Variants in UBE2Q1 observed in about 807,000 individuals in gnomAD.
UBE2Q1 encodes the protein ubiquitin-conjugating enzyme E2 Q1.
In UBE2Q1, 6 loss-of-function variants were observed where a neutral mutation model predicts 60.1. The observed-to-expected ratio is 0.10, with a 90% CI of 0.05 to 0.20. The LOEUF (loss-of-function observed/expected upper bound fraction) is 0.20. Among genes scored for constraint, UBE2Q1 ranks in the 10% least tolerant of loss-of-function variants. The pLI is 1.00. For synonymous variants in UBE2Q1, 226 were observed against 208.3 expected (o/e 1.09, Z -0.73); for missense variants, 262 against 525.8 (o/e 0.50, Z 4.91).
At chr1:154,557,167 A>G (rs1257310832) in intron 1 of UBE2Q1, among the ~76,000 whole-genome samples, 1 of 152,240 alleles carries the variant, frequency 6.6e-6, no homozygotes, top group African/African-American at 2.4e-5. Context: ...AACGGACAGA[A>G]AACACCAGTA....
In UBE2Q1 at chr1:154,551,631, T is replaced by G. The variant is rs1005458826; in HGVS notation, c.1075-139A>C. The G allele has an allele frequency of 1.5e-5, 21 of 1,444,750 alleles. No individual in the cohort carries two copies. In the African/African-American group the frequency reaches 2.9e-4, roughly 20 times the overall value. 89.5% of individuals were successfully genotyped at this position (1,444,750 alleles called of 1,614,324 possible). On this transcript the variant is annotated intron_variant, in intron 10 of 12. Coordinates refer to ENST00000292211, the MANE Select transcript of UBE2Q1 (RefSeq NM_017582.7). ...CCAGCACTGCCACCACCTGTCTGTCTAGGTCAGTGGGTGCAGACCCAGCCC... is the reference window on the plus strand; with the variant it reads ...CCAGCACTGCCACCACCTGTCTGTCGAGGTCAGTGGGTGCAGACCCAGCCC...
chr1:154,550,836 G>C (rs1407746771), intron 12 of UBE2Q1, 102 bp downstream of exon 12: 1 of 1,599,398 alleles, frequency 6.3e-7, no homozygotes, highest in Non-Finnish European at 8.5e-7. Context: ...ATGGGTGGTT[G>C]AGTATCAGAA....
At chr1:154,552,264 C>T in intron 7 of UBE2Q1, 81 bp from the exon 8 acceptor site, 1 of 1,597,044 alleles carries the variant, frequency 6.3e-7, no homozygotes, top group Non-Finnish European at 8.6e-7. Flanking sequence ...TGGCTGGCAG[C>T]AGACCACGAA....
Position 154,553,134 on chromosome 1 carries a change from T to C in UBE2Q1, c.627A>G (p.Glu209=), listed in dbSNP as rs144570028. 12 of 1,613,872 alleles carry C rather than the reference T, an allele frequency of 7.4e-6. No individual in the cohort carries two copies. In the African/African-American group the frequency reaches 1.3e-4, roughly 18 times the overall value. The change falls in exon 5 of 13, where the codon GAA becomes GAG. Residue 209 remains glutamate, a synonymous_variant. Coordinates refer to ENST00000292211, the MANE Select transcript of UBE2Q1 (RefSeq NM_017582.7). The part of the protein sequence containing the change: ...EDLDHYEMKE[E]EPAEGKKSED... ...CAGATTTCTTGCCCTCAGCTGGCTC[T>C]TCCTCTTTCATTTCATAGTGATCTA...
intron 4 of UBE2Q1, among the ~76,000 whole-genome samples, chr1:154,553,428 GAGGC>G (rs1363492036): frequency 1.3e-5 from 2 of 152,186 alleles, no homozygotes; most frequent in African/African-American, 4.8e-5. Flanking sequence ...AGCTGAGATC[GAGGC>G]AGGGACTTAG....
chr1:154,554,862 A>T, intron 3 of UBE2Q1, 77 bp from the exon 4 acceptor site: 1 of 1,510,496 alleles, frequency 6.6e-7, no homozygotes, highest in Non-Finnish European at 9.0e-7. Context: ...TACTCCCCTG[A>T]GCCCCCAGGT....
chr1:154,555,739 G>A, intron 2 of UBE2Q1, 121 bp downstream of exon 2: 2 of 991,396 alleles, frequency 2.0e-6, no homozygotes, highest in Non-Finnish European at 3.1e-6. Flanking sequence ...ACTCCCCCGA[G>A]AGGTCATCCC....
intron 2 of UBE2Q1, 139 bp from the exon 3 acceptor site, chr1:154,555,671 T>G: frequency 1.1e-6 from 1 of 949,942 alleles, no homozygotes. Flanking sequence ...TGGGAATGAG[T>G]CTCCTGATGG....
intron 1 of UBE2Q1, among the ~76,000 whole-genome samples, chr1:154,557,005 C>CT (rs1254674096): frequency 6.6e-6 from 1 of 152,332 alleles, no homozygotes; most frequent in East Asian, 1.9e-4. Flanking sequence ...CTTCACTTAA[C>CT]TAAGCCACTC....
intron 4 of UBE2Q1, among the ~76,000 whole-genome samples, chr1:154,554,452 A>G (rs2149362253): frequency 6.6e-6 from 1 of 152,306 alleles, no homozygotes; most frequent in African/African-American, 2.4e-5. Context: ...AAATTCCTCA[A>G]TTAGGATAGC....
Position 154,551,495 on chromosome 1 carries a change from G to A in UBE2Q1, c.1075-3C>T, listed in dbSNP as rs575285204. The A allele has an allele frequency of 6.2e-6, 10 of 1,613,972 alleles. No individual in the cohort carries two copies. In the East Asian group the frequency reaches 2.0e-4, roughly 32 times the overall value. ...ATGGAGTAGGCACTGCTCCAGCCCT[G>A]GGTGAAGGGAAGGACAAGGCAAGCA... On this transcript the variant is annotated splice_region_variant and splice_polypyrimidine_tract_variant and intron_variant, in intron 10 of 12. Coordinates refer to ENST00000292211, the MANE Select transcript of UBE2Q1 (RefSeq NM_017582.7).
rs1452695597 is a variant in UBE2Q1, at chr1:154,550,180, T to A, written c.*258A>T. 2.1e-6 allele frequency: 1 copy of A among 470,114 alleles called. No individual in the cohort carries two copies. Among genetic ancestry groups the A allele is most frequent in the Non-Finnish European group, 3.8e-6 (1 of 264,452 alleles). The allele number at this position is 470,114 out of a possible 1,614,324, so 29.1% of individuals were successfully genotyped here. ...TAAGGAGGCTCGAAAGTTTCTTTTA[T>A]AAGAATGCCTGCTAGCAAGGGTTCC... On this transcript the variant is annotated 3_prime_UTR_variant, in exon 13 of 13. Transcript: ENST00000292211.
intron 1 of UBE2Q1, 133 bp from the exon 2 acceptor site, chr1:154,556,097 C>T: frequency 1.5e-6 from 1 of 668,492 alleles, no homozygotes; most frequent in Non-Finnish European, 2.6e-6. Flanking sequence ...CACATAAAAG[C>T]CCAACTTAGG....
At chr1:154,555,610 T>G (rs4078519) in intron 2 of UBE2Q1, 78 bp from the exon 3 acceptor site, 1 of 1,409,186 alleles carries the variant, frequency 7.1e-7, no homozygotes, top group Non-Finnish European at 1.0e-6. Context: ...GCTCTTAGTT[T>G]GGGCCCCACA....
chr1:154,550,296 C>T lies in UBE2Q1; in HGVS notation c.*142G>A. The T allele has an allele frequency of 1.8e-6, 2 of 1,104,642 alleles. No homozygotes were observed. The highest frequency in any genetic ancestry group is 2.7e-6 in the Non-Finnish European group (2 of 749,458). The allele number at this position is 1,104,642 out of a possible 1,614,324, so 68.4% of individuals were successfully genotyped here. On this transcript the variant is annotated 3_prime_UTR_variant, in exon 13 of 13. Coordinates refer to ENST00000292211, the MANE Select transcript of UBE2Q1 (RefSeq NM_017582.7). ...TTTCCTTAGCGTTTAGAATAGCCAT[C>T]ATTGTCCTGCAATAGGCAGAGCTAT... is the stretch of plus-strand genomic sequence containing the variant.
chr1:154,552,363 T>C (rs775836652), intron 7 of UBE2Q1, 41 bp downstream of exon 7: 1 of 1,612,152 alleles, frequency 6.2e-7, no homozygotes, highest in African/African-American at 1.3e-5. Flanking sequence ...CCACTCACAC[T>C]CCTCCTCAAC....
intron 2 of UBE2Q1, 125 bp downstream of exon 2, chr1:154,555,735 C>T (rs1695872917): frequency 1.0e-6 from 1 of 980,108 alleles, no homozygotes; most frequent in Admixed American, 2.3e-5. Context: ...AGCAACTCCC[C>T]CGAGAGGTCA....
At chr1:154,554,854 C>G in intron 3 of UBE2Q1, 69 bp from the exon 4 acceptor site, 4 of 1,538,236 alleles carry the variant, frequency 2.6e-6, no homozygotes, top group African/African-American at 2.7e-5. Flanking sequence ...CTCCAACCTA[C>G]TCCCCTGAGC....
chr1:154,556,955 T>C (rs2149362928), intron 1 of UBE2Q1, among the ~76,000 whole-genome samples: 1 of 152,264 alleles, frequency 6.6e-6, no homozygotes, highest in Middle Eastern at 3.4e-3. Flanking sequence ...ACTCTAATCC[T>C]CAATGCTGGA....
Sources: allele counts gnomAD v4.1 joint callset (sites outside exome capture counted in the v4.1 genomes callset), GRCh38; gene constraint gnomAD v4.1.1; transcripts MANE v1.5; gene names NCBI Gene and HGNC (gene_info 2026-07-23, HGNC 2026-07-21).